The following EMID1 variants were observed in gnomAD, a reference collection of about 807,000 sequenced individuals.
The protein encoded by EMID1 is EMI domain-containing protein 1.
In EMID1, 40 loss-of-function variants were observed where a neutral mutation model predicts 60.6. The ratio of observed to expected loss-of-function variants is 0.66; its 90% CI spans 0.51 to 0.86. EMID1 has a LOEUF of 0.86. EMID1 is among the 40% of genes least tolerant of loss of function. The pLI, the probability that EMID1 is intolerant of heterozygous loss-of-function variation, is 0.00. For synonymous variants in EMID1, 242 were observed against 231.0 expected (o/e 1.05, Z -0.43); for missense variants, 585 against 597.1 (o/e 0.98, Z 0.21).
intron 12 of EMID1, among the ~76,000 whole-genome samples, chr22:29,235,308 A>G (rs2040904207): frequency 1.4e-5 from 2 of 147,648 alleles, no homozygotes; most frequent in Non-Finnish European, 3.0e-5. Flanking sequence ...AGATCACACC[A>G]TTGTGCTCCA....
chr22:29,232,541 G>A (rs2040791091), intron 8 of EMID1, 139 bp downstream of exon 8: 2 of 1,003,522 alleles, frequency 2.0e-6, no homozygotes, highest in South Asian at 1.7e-5. Context: ...CCTCCAGCAG[G>A]CGCCGTTGTC....
At chr22:29,216,437 G>A in intron 3 of EMID1, 3 of 985,468 alleles carry the variant, frequency 3.0e-6, no homozygotes, top group Non-Finnish European at 3.6e-6. Flanking sequence ...TGGCGCTAAA[G>A]AGGATGGGCT....
intron 8 of EMID1, 126 bp from the exon 9 acceptor site, chr22:29,233,253 G>A: frequency 1.1e-6 from 1 of 944,116 alleles, no homozygotes; most frequent in South Asian, 1.5e-5. Context: ...CAGGTGCCCA[G>A]GTGGTACCAG....
intron 12 of EMID1, 132 bp from the exon 13 acceptor site, chr22:29,243,313 A>G: frequency 2.3e-6 from 2 of 868,524 alleles, no homozygotes; most frequent in East Asian, 2.7e-5. Context: ...TTTGCTTTGT[A>G]TCCAATACAA....
chr22:29,218,287 G>T (rs940618239), intron 3 of EMID1, among the ~76,000 whole-genome samples: 3 of 152,256 alleles, frequency 2.0e-5, no homozygotes, highest in African/African-American at 7.2e-5. Flanking sequence ...TCTCTGTGAG[G>T]CTGGTGGGCT....
chr22:29,231,155 C>G lies in EMID1; in HGVS notation c.586+15C>G, dbSNP rs765263890. 1 of 1,586,344 alleles carries G rather than the reference C, an allele frequency of 6.3e-7. No homozygotes were observed. Among genetic ancestry groups the G allele is most frequent in the East Asian group, 2.2e-5 (1 of 44,688 alleles). On this transcript the variant is annotated intron_variant, in intron 6 of 14. Coordinates refer to ENST00000334018, the MANE Select transcript of EMID1 (RefSeq NM_133455.4). ...AGGCCTCCAGGGTGAGTGTCAGACT[C>G]AGACTCCCCTGTGGGAATGAGCAGT...
intron 1 of EMID1, among the ~76,000 whole-genome samples, chr22:29,207,444 T>C (rs574190527): frequency 1.1e-4 from 16 of 152,018 alleles, no homozygotes; most frequent in Non-Finnish European, 2.1e-4. Flanking sequence ...GCCCAGAGCA[T>C]GGAAGTGAGC....
In EMID1 at chr22:29,227,782, G is replaced by A. The variant is rs188077272; in HGVS notation, c.465+1231G>A. 2.4e-4 allele frequency among the ~76,000 whole-genome samples: 37 copies of A among 151,250 alleles called. No homozygotes were observed. The East Asian group carries it at 4.3e-3, about 18-fold the overall frequency. ...CTGTAATCTCAGCATTTGAGAGGCC[G>A]AGCCGGGTGGATCACAAGGTCAGGA... On this transcript the variant is annotated intron_variant, in intron 5 of 14. Transcript: ENST00000334018.
At chr22:29,238,249 C>A (rs1452631430) in intron 12 of EMID1, among the ~76,000 whole-genome samples, 1 of 118,682 alleles carries the variant, frequency 8.4e-6, no homozygotes, top group African/African-American at 3.8e-5. Context: ...TGAAGTTTTT[C>A]TAAAAATTAT....
In EMID1 at chr22:29,242,507, A is replaced by G. The variant is rs79816230; in HGVS notation, c.1075-938A>G. Among the ~76,000 whole-genome samples the G allele has an allele frequency of 3.7e-3, 568 of 152,272 alleles. 5 individuals carry two copies. The highest frequency in any genetic ancestry group is 0.013 in the African/African-American group (525 of 41,550). ...ATTCTAACATATAGGTCGGCTGTGG[A>G]TCTATTTCTATTGACAGATTTTTCT... On this transcript the variant is annotated intron_variant, in intron 12 of 14. Transcript: ENST00000334018.
At chr22:29,231,501 C>T in intron 6 of EMID1, 92 bp from the exon 7 acceptor site, 1 of 1,377,226 alleles carries the variant, frequency 7.3e-7, no homozygotes, top group African/African-American at 1.4e-5. Flanking sequence ...CGCTGCTTCC[C>T]CGAAATGGTA....
At chr22:29,219,177 G>C (rs974134404) in intron 3 of EMID1, among the ~76,000 whole-genome samples, 1 of 152,146 alleles carries the variant, frequency 6.6e-6, no homozygotes, top group Non-Finnish European at 1.5e-5. Flanking sequence ...CTGCAGTCAG[G>C]GGTCTTTCCC....
chr22:29,220,391 T>C (rs1354166902), intron 3 of EMID1, among the ~76,000 whole-genome samples: 1 of 152,150 alleles, frequency 6.6e-6, no homozygotes, highest in African/African-American at 2.4e-5. Context: ...AGGCTCCTGA[T>C]TGGGCTGGAG....
At chr22:29,225,655 C>T (rs1042217110) in intron 4 of EMID1, among the ~76,000 whole-genome samples, 3 of 152,112 alleles carry the variant, frequency 2.0e-5, no homozygotes, top group South Asian at 2.1e-4. Flanking sequence ...TGCCCTGCCC[C>T]GCCCCAGGCC....
rs1319696950 is a variant in EMID1, at chr22:29,232,336, G to A, written c.757G>A (p.Gly253Arg). ...PGERGPPGPP[G>R]PPGPPGPPAP... ...AGAGAGGGGACCTCCTGGGCCACCA[G>A]GGCCTCCTGGCCCCCCTGGGCCCCC... The change falls in exon 8 of 15, where the codon GGG becomes AGG. Residue 253 changes from glycine (G) to arginine (R), a missense_variant. By Grantham distance (125) the Gly-to-Arg change is moderately radical. Transcript: ENST00000334018. 1.9e-6 allele frequency: 3 copies of A among 1,608,504 alleles called. No homozygotes were observed. The highest frequency in any genetic ancestry group is 2.2e-5 in the East Asian group (1 of 44,844).
intron 1 of EMID1, among the ~76,000 whole-genome samples, chr22:29,212,111 A>C (rs970526465): frequency 6.6e-6 from 1 of 151,532 alleles, no homozygotes; most frequent in Non-Finnish European, 1.5e-5. Context: ...TCAGCCTCCT[A>C]AGTAGCTGGG....
chr22:29,255,383 AG>A, intron 14 of EMID1: 1 of 1,433,568 alleles, frequency 7.0e-7, no homozygotes, highest in Admixed American at 2.5e-5. Context: ...GCGGGCAGGC[AG>A]GGGCAGCCTC....
Position 29,258,902 on chromosome 22 carries a change from C to T in EMID1, c.1290C>T (p.Asn430=), listed in dbSNP as rs772239712. Residue 430 remains asparagine (N), a synonymous_variant, in exon 15 of 15, where the codon AAC becomes AAT. Coordinates refer to ENST00000334018, the MANE Select transcript of EMID1 (RefSeq NM_133455.4). ...LRGKRGGHAT[N]YRIVAPRSRD... Reference sequence around the variant, plus strand: ...GCAAGAGGGGCGGACATGCAACCAACTACCGGATCGTGGCCCCCAGGAGCC... The same window carrying T: ...GCAAGAGGGGCGGACATGCAACCAATTACCGGATCGTGGCCCCCAGGAGCC... The T allele has an allele frequency of 1.5e-4, 248 of 1,613,254 alleles. No individual in the cohort carries two copies. The highest frequency in any genetic ancestry group is 1.9e-4 in the Non-Finnish European group (229 of 1,179,766).
chr22:29,216,278 A>G (rs1415659655), intron 3 of EMID1: 2 of 984,538 alleles, frequency 2.0e-6, no homozygotes, highest in Non-Finnish European at 2.4e-6. Context: ...GCCTCCCAGG[A>G]GCCTGGCCAC....
Sources: allele counts gnomAD v4.1 joint callset (sites outside exome capture counted in the v4.1 genomes callset), GRCh38; gene constraint gnomAD v4.1.1; transcripts MANE v1.5; gene names NCBI Gene and HGNC (gene_info 2026-07-23, HGNC 2026-07-21).